CHIC2: variants seen among roughly 807,000 people sequenced by gnomAD.
CHIC2 encodes cysteine-rich hydrophobic domain-containing protein 2.
CHIC2 carries 14 observed loss-of-function variants against 25.9 expected under a neutral mutation model. The observed-to-expected ratio is 0.54, with a 90% CI of 0.36 to 0.85. The LOEUF is 0.85. Among genes scored for constraint, CHIC2 ranks in the 40% least tolerant of loss-of-function variants. CHIC2 has a pLI of 0.01. For synonymous variants in CHIC2, 70 were observed against 72.0 expected (o/e 0.97, Z 0.14); for missense variants, 146 against 202.0 (o/e 0.72, Z 1.68).
At chr4:54,081,729 T>G in the CHIC2 span, among the ~76,000 whole-genome samples, 23 of 152,136 alleles carry the variant, frequency 1.5e-4, no homozygotes, top group Non-Finnish European at 2.9e-5. Flanking sequence ...CTGTTGTTGT[T>G]GTTGTTGTTG....
Position 54,049,120 on chromosome 4 carries a change from A to C in CHIC2, c.175-10T>G, listed in dbSNP as rs1716921838. Reference sequence around the variant, plus strand: ...ATTCTTCAGGAGCTACCTAAAGAAAAATTTTAAGAAATAATAACAATGCAA... The same window carrying C: ...ATTCTTCAGGAGCTACCTAAAGAAACATTTTAAGAAATAATAACAATGCAA... On this transcript the variant is annotated splice_polypyrimidine_tract_variant and intron_variant, in intron 2 of 5. Transcript: ENST00000263921. The C allele has an allele frequency of 6.3e-7, 1 of 1,592,372 alleles. No homozygotes were observed. The highest frequency in any genetic ancestry group is 1.4e-5 in the African/African-American group (1 of 73,762).
intron 3 of CHIC2, among the ~76,000 whole-genome samples, chr4:54,031,651 CTA>C (rs1346246935): frequency 2.4e-5 from 3 of 126,486 alleles, no homozygotes; most frequent in Admixed American, 8.9e-5. Flanking sequence ...CAGAGTCTCA[CTA>C]TGTAGCCTTA....
In CHIC2 at chr4:54,034,849, T is replaced by C. The variant is rs147849331; in HGVS notation, c.330+14106A>G. On this transcript the variant is annotated intron_variant, in intron 3 of 5. Coordinates refer to ENST00000263921, the MANE Select transcript of CHIC2 (RefSeq NM_012110.4). ...AAGAAATGCATTCAGACCTTCATTA[T>C]TAAGTGTCATGTTAATTGTAGGGTT... 3.3e-4 allele frequency among the ~76,000 whole-genome samples: 50 copies of C among 152,354 alleles called. No homozygotes were observed. The East Asian group carries it at 8.7e-3, about 26-fold the overall frequency.
chr4:54,028,081 A>G (rs971430855), intron 3 of CHIC2, among the ~76,000 whole-genome samples: 4 of 152,194 alleles, frequency 2.6e-5, no homozygotes, highest in Admixed American at 2.6e-4. Flanking sequence ...AAACTTATTT[A>G]AATATTAAGA....
At chr4:54,061,291 T>A (rs1717325586) in intron 1 of CHIC2, 1 of 152,036 alleles carries the variant, frequency 6.6e-6, no homozygotes, top group South Asian at 2.1e-4. Context: ...GCCAATCACG[T>A]CACGTGAGAA....
intron 3 of CHIC2, among the ~76,000 whole-genome samples, chr4:54,038,012 GAAAT>G (rs1054168076): frequency 9.9e-5 from 15 of 151,752 alleles, no homozygotes; most frequent in African/African-American, 3.6e-4. Flanking sequence ...GCAAGGAGAA[GAAAT>G]AATAAAAACA....
At chr4:54,048,550 A>G (rs1716904933) in intron 3 of CHIC2, among the ~76,000 whole-genome samples, 1 of 152,126 alleles carries the variant, frequency 6.6e-6, no homozygotes, top group African/African-American at 2.4e-5. Flanking sequence ...TTTTCCAAAC[A>G]TTTTCATTTT....
At chr4:54,032,000 C>T (rs955144280) in intron 3 of CHIC2, among the ~76,000 whole-genome samples, 22 of 152,222 alleles carry the variant, frequency 1.4e-4, no homozygotes, top group African/African-American at 4.6e-4. Context: ...TCCAATCCAG[C>T]TAGTTCTAGC....
intron 3 of CHIC2, among the ~76,000 whole-genome samples, chr4:54,039,785 G>T (rs10022005): frequency 6.6e-6 from 1 of 152,226 alleles, no homozygotes; most frequent in Non-Finnish European, 1.5e-5. Flanking sequence ...AAACTGGAAA[G>T]TCAGTGTCTT....
intron 1 of CHIC2, among the ~76,000 whole-genome samples, chr4:54,058,177 AAAG>A (rs2110092437): frequency 6.6e-6 from 1 of 152,344 alleles, no homozygotes; most frequent in South Asian, 2.1e-4. Context: ...ACAAAATGGT[AAAG>A]AATAACCAAA....
chr4:54,045,553 T>C (rs1716757181), intron 3 of CHIC2, among the ~76,000 whole-genome samples: 1 of 152,054 alleles, frequency 6.6e-6, no homozygotes, highest in Non-Finnish European at 1.5e-5. Context: ...AAAAACCACA[T>C]GATTATCTCA....
intron 1 of CHIC2, among the ~76,000 whole-genome samples, chr4:54,050,789 C>G (rs139597797): frequency 1.3e-5 from 2 of 152,210 alleles, no homozygotes; most frequent in Non-Finnish European, 2.9e-5. Flanking sequence ...AGTTTGTATA[C>G]ACACACTCTG....
At chr4:54,065,301 T>C (rs1263049283), upstream of CHIC2, 2 of 984,868 alleles carry the variant, frequency 2.0e-6, no homozygotes, top group Non-Finnish European at 2.4e-6. Flanking sequence ...ACTGATAAAT[T>C]ACCTGGATTC....
chr4:54,091,380 G>T, the CHIC2 span, among the ~76,000 whole-genome samples: 4 of 152,084 alleles, frequency 2.6e-5, no homozygotes, highest in Admixed American at 1.3e-4. Flanking sequence ...TCCAGGGGCC[G>T]GGCACACGCA....
intron 3 of CHIC2, among the ~76,000 whole-genome samples, chr4:54,039,268 G>A (rs371191693): frequency 7.4e-4 from 112 of 152,134 alleles, no homozygotes; most frequent in African/African-American, 2.2e-3. Flanking sequence ...TTGTTCCGCC[G>A]AAGACATTGT....
chr4:54,035,244 T>A (rs764550944), intron 3 of CHIC2, among the ~76,000 whole-genome samples: 13 of 152,204 alleles, frequency 8.5e-5, no homozygotes, highest in Non-Finnish European at 1.8e-4. Flanking sequence ...AGGGTAACGA[T>A]GGCCTCATAA....
At chr4:54,042,996 C>T (rs1489664579) in intron 3 of CHIC2, among the ~76,000 whole-genome samples, 4 of 152,098 alleles carry the variant, frequency 2.6e-5, no homozygotes, top group Non-Finnish European at 5.9e-5. Context: ...TAAAACTGTT[C>T]ATTCATTTTC....
chr4:54,067,013 C>T (rs1283793086), upstream of CHIC2, among the ~76,000 whole-genome samples: 1 of 152,206 alleles, frequency 6.6e-6, no homozygotes, highest in South Asian at 2.1e-4. Context: ...CTTAGAACTC[C>T]AGCACCTTCC....
In CHIC2 at chr4:54,045,112, G is replaced by C. The variant is rs1048019670; in HGVS notation, c.330+3843C>G. ...AGACTAAACCAGGAAGAAGTTGAAT[G>C]TCTGAATAGACCAATAACAGGCTCT... On this transcript the variant is annotated intron_variant, in intron 3 of 5. Transcript: ENST00000263921. Among the ~76,000 whole-genome samples, 38 of 152,200 alleles carry C rather than the reference G, an allele frequency of 2.5e-4. 1 individual carries two copies. The South Asian group carries it at 5.8e-3, about 23-fold the overall frequency.
Sources: allele counts gnomAD v4.1 joint callset (sites outside exome capture counted in the v4.1 genomes callset), GRCh38; gene constraint gnomAD v4.1.1; transcripts MANE v1.5; gene names NCBI Gene and HGNC (gene_info 2026-07-23, HGNC 2026-07-21).